Variants in SIDT1 observed in about 807,000 individuals in gnomAD.
SIDT1 encodes the protein SID1 transmembrane family, member 1.
A neutral mutation model predicts 107.5 loss-of-function variants in SIDT1; 101 were observed. That is an observed-to-expected ratio of 0.94 (90% CI 0.80 to 1.11). The LOEUF (loss-of-function observed/expected upper bound fraction) is 1.11. Ranked by LOEUF, SIDT1 falls within the 50% of genes least tolerant of loss-of-function variation. SIDT1 has a pLI of 0.00. For missense variants in SIDT1, 1,076 were observed against 1,058.2 expected, an observed-to-expected ratio of 1.02 and a Z score of -0.23; for synonymous variants, 395 against 398.2, an observed-to-expected ratio of 0.99 and a Z score of 0.10.
At chr3:113,540,736 A>G (rs1370882780) in intron 1 of SIDT1, among the ~76,000 whole-genome samples, 1 of 152,194 alleles carries the variant, frequency 6.6e-6, no homozygotes, top group Non-Finnish European at 1.5e-5. Context: ...AGTAACCATT[A>G]AAAAATTTAT....
At chr3:113,544,390 C>A (rs1159978889) in intron 1 of SIDT1, among the ~76,000 whole-genome samples, 1 of 152,068 alleles carries the variant, frequency 6.6e-6, no homozygotes, top group Non-Finnish European at 1.5e-5. Flanking sequence ...TGGGGTTTCA[C>A]CATATTGGCC....
At chr3:113,611,978 T>A (rs555192855) in intron 18 of SIDT1, 108 bp from the exon 19 acceptor site, 39 of 731,226 alleles carry the variant, frequency 5.3e-5, no homozygotes, top group Non-Finnish European at 8.8e-5. Flanking sequence ...AAAAATAGAA[T>A]GTGCACACAG....
chr3:113,567,068 A>C (rs1941987344), intron 2 of SIDT1, among the ~76,000 whole-genome samples: 1 of 152,228 alleles, frequency 6.6e-6, no homozygotes. Flanking sequence ...CTTGGAAGGC[A>C]TGCAAAATGG....
intron 1 of SIDT1, among the ~76,000 whole-genome samples, chr3:113,556,005 A>G (rs1396345086): frequency 6.6e-6 from 1 of 152,112 alleles, no homozygotes; most frequent in African/African-American, 2.4e-5. Flanking sequence ...GTCACAAAAC[A>G]CAGACCCACA....
chr3:113,566,985 G>A (rs1314509265), intron 2 of SIDT1, among the ~76,000 whole-genome samples: 1 of 152,152 alleles, frequency 6.6e-6, no homozygotes, highest in Non-Finnish European at 1.5e-5. Flanking sequence ...AAACAACAAA[G>A]TGCCTGCCCT....
intron 10 of SIDT1, among the ~76,000 whole-genome samples, chr3:113,597,513 A>G (rs902583424): frequency 9.9e-5 from 15 of 151,736 alleles, no homozygotes; most frequent in African/African-American, 3.6e-4. Context: ...AAAAAAAAAA[A>G]AAAAAAATCA....
At chr3:113,581,310 A>G in intron 5 of SIDT1, 51 bp from the exon 6 acceptor site, 1 of 1,422,760 alleles carries the variant, frequency 7.0e-7, no homozygotes. Context: ...GTGGCATGAC[A>G]TTGCATGACA....
At chr3:113,626,947 G>A (rs929767496) in intron 24 of SIDT1, among the ~76,000 whole-genome samples, 2 of 152,274 alleles carry the variant, frequency 1.3e-5, no homozygotes, top group Non-Finnish European at 2.9e-5. Context: ...CTTCAAGAGT[G>A]GAGCAGGGCT....
chr3:113,534,948 C>T (rs1007153811), intron 1 of SIDT1, among the ~76,000 whole-genome samples: 6 of 152,140 alleles, frequency 3.9e-5, no homozygotes, highest in Non-Finnish European at 7.3e-5. Context: ...TCATCTCTGC[C>T]CTCCAGTACC....
intron 6 of SIDT1, among the ~76,000 whole-genome samples, chr3:113,582,144 A>G (rs1943405402): frequency 6.6e-6 from 1 of 152,248 alleles, no homozygotes; most frequent in Non-Finnish European, 1.5e-5. Flanking sequence ...GACAGATTCA[A>G]AAGAATATGG....
At chr3:113,576,783 CG>C (rs1576824030) in intron 3 of SIDT1, 138 bp from the exon 4 acceptor site, 1 of 843,432 alleles carries the variant, frequency 1.2e-6, no homozygotes, top group East Asian at 2.4e-5. Flanking sequence ...TTCACGGAAC[CG>C]GAACTCCCCT....
chr3:113,595,201 GTATCTTA>G (rs1576894160), intron 10 of SIDT1, among the ~76,000 whole-genome samples: 1 of 152,252 alleles, frequency 6.6e-6, no homozygotes, highest in East Asian at 1.9e-4. Context: ...GGGCTATTCT[GTATCTTA>G]TAGGATGTTT....
chr3:113,623,329 A>T lies in SIDT1; in HGVS notation c.2091-98A>T. The T allele has an allele frequency of 1.5e-5, 10 of 663,522 alleles. No individual in the cohort carries two copies. In the South Asian group the frequency reaches 1.6e-4, roughly 11 times the overall value. 41.1% of individuals were successfully genotyped at this position (663,522 alleles called of 1,614,324 possible). A position where few individuals can be genotyped will look rare whatever the true frequency, so the allele number is the denominator to read the frequency against. On this transcript the variant is annotated intron_variant, in intron 21 of 24. Coordinates refer to ENST00000264852, the MANE Select transcript of SIDT1 (RefSeq NM_017699.3). ...AAATAAAAGTTAAAAAAAAAAAAAGAACCTGCCCCTTCCCCCTCAAGGGAC... is the reference window on the plus strand; with the variant it reads ...AAATAAAAGTTAAAAAAAAAAAAAGTACCTGCCCCTTCCCCCTCAAGGGAC...
At position 113,601,677 on chromosome 3, in the gene SIDT1, T is replaced by C; in HGVS notation, c.1117+18T>C. ...GACAATAGGTATGTCCTACCAGGTC[T>C]GTTCATGAAAGTGTTTCCTAATTCT... On this transcript the variant is annotated intron_variant, in intron 11 of 24. Coordinates refer to ENST00000264852, the MANE Select transcript of SIDT1 (RefSeq NM_017699.3). 6.3e-7 allele frequency: 1 copy of C among 1,587,060 alleles called. No individual in the cohort carries two copies. Among genetic ancestry groups the C allele is most frequent in the East Asian group, 2.3e-5 (1 of 44,312 alleles).
At chr3:113,618,867 C>T (rs1436066856) in intron 20 of SIDT1, among the ~76,000 whole-genome samples, 1 of 152,180 alleles carries the variant, frequency 6.6e-6, no homozygotes, top group South Asian at 2.1e-4. Context: ...CTCTATCACC[C>T]AGGCTGGAGT....
At chr3:113,560,471 G>A (rs561906196) in intron 1 of SIDT1, among the ~76,000 whole-genome samples, 1 of 152,318 alleles carries the variant, frequency 6.6e-6, no homozygotes, top group East Asian at 1.9e-4. Context: ...CAAATCCTCA[G>A]TAAATGTTTG....
At chr3:113,586,279 A>G (rs1164400997) in intron 9 of SIDT1, among the ~76,000 whole-genome samples, 1 of 152,220 alleles carries the variant, frequency 6.6e-6, no homozygotes, top group Non-Finnish European at 1.5e-5. Flanking sequence ...ATTGGAAAAA[A>G]TAGAAGTGTA....
At chr3:113,552,394 G>C (rs1011802028) in intron 1 of SIDT1, among the ~76,000 whole-genome samples, 2 of 152,140 alleles carry the variant, frequency 1.3e-5, no homozygotes, top group Non-Finnish European at 2.9e-5. Context: ...CTCTAAAATG[G>C]CTGTGAGGTG....
At chr3:113,626,260 T>C in intron 24 of SIDT1, 45 bp downstream of exon 24, 1 of 1,265,232 alleles carries the variant, frequency 7.9e-7, no homozygotes, top group East Asian at 2.3e-5. Context: ...TCTCTTTACA[T>C]CTTGTACTCT....
Sources: allele counts gnomAD v4.1 joint callset (sites outside exome capture counted in the v4.1 genomes callset), GRCh38; gene constraint gnomAD v4.1.1; transcripts MANE v1.5; gene names NCBI Gene and HGNC (gene_info 2026-07-23, HGNC 2026-07-21).